The following SDK1 variants were observed in gnomAD, a reference collection of about 807,000 sequenced individuals.
The protein encoded by SDK1 is sidekick cell adhesion molecule 1, also known as protein sidekick-1.
SDK1 carries 157 observed loss-of-function variants against 245.5 expected under a neutral mutation model. That is an observed-to-expected ratio of 0.64 (90% confidence interval 0.56 to 0.73). The LOEUF (loss-of-function observed/expected upper bound fraction) is 0.73, where lower values mean the gene tolerates loss of function less well. SDK1 is among the 30% of genes least tolerant of loss of function. SDK1 has a pLI of 0.00. For missense variants in SDK1, 3,583 were observed against 3,002.3 expected, an observed-to-expected ratio of 1.19 and a Z score of -4.52; for synonymous variants, 1,647 against 1,278.5, an observed-to-expected ratio of 1.29 and a Z score of -6.15.
chr7:3,499,019 T>C (rs7779391), intron 1 of SDK1, among the ~76,000 whole-genome samples: 1 of 152,102 alleles, frequency 6.6e-6, no homozygotes, highest in African/African-American at 2.4e-5. Flanking sequence ...AATTAAAATT[T>C]TGTTTTATAC....
chr7:4,225,353 T>G (rs930289399), intron 40 of SDK1, among the ~76,000 whole-genome samples: 5 of 152,184 alleles, frequency 3.3e-5, no homozygotes, highest in Admixed American at 6.5e-5. Context: ...GTGTCCGTCC[T>G]CCCCAGCCTG....
At chr7:3,357,118 C>A (rs1047691844) in intron 1 of SDK1, among the ~76,000 whole-genome samples, 2 of 148,976 alleles carry the variant, frequency 1.3e-5, no homozygotes, top group African/African-American at 4.9e-5. Flanking sequence ...AATCTAAACT[C>A]ATCAGAAAAA....
intron 1 of SDK1, among the ~76,000 whole-genome samples, chr7:3,306,101 A>C (rs138209766): frequency 1.3e-5 from 2 of 152,196 alleles, no homozygotes; most frequent in African/African-American, 4.8e-5. Flanking sequence ...ATGGGCAGCA[A>C]TCAGATCTGT....
At position 4,011,126 on chromosome 7, in the gene SDK1, C is replaced by T. The variant is rs186400955; in HGVS notation, c.2279+13C>T. 1.2e-5 allele frequency: 20 copies of T among 1,612,302 alleles called. No homozygotes were observed. The highest frequency in any genetic ancestry group is 1.2e-4 in the Admixed American group (7 of 59,896). On this transcript the variant is annotated intron_variant, in intron 15 of 44. Coordinates refer to ENST00000404826, the MANE Select transcript of SDK1 (RefSeq NM_152744.4). ...CCGAGACAAGCAGGTGCGTGAATCC[C>T]GCCCCAGGTGGGGGTGTGGAACAGC...
At chr7:3,315,044 G>T (rs1358200036) in intron 1 of SDK1, among the ~76,000 whole-genome samples, 1 of 152,116 alleles carries the variant, frequency 6.6e-6, no homozygotes, top group Non-Finnish European at 1.5e-5. Context: ...ATCCCTATCT[G>T]TGTTCGTCAA....
chr7:3,698,003 C>T (rs1323997919), intron 4 of SDK1, among the ~76,000 whole-genome samples: 1 of 152,112 alleles, frequency 6.6e-6, no homozygotes, highest in South Asian at 2.1e-4. Flanking sequence ...TGGCACAGTG[C>T]TGGCATCTCT....
At chr7:3,618,866 G>A (rs535764176) in intron 1 of SDK1, among the ~76,000 whole-genome samples, 19 of 152,276 alleles carry the variant, frequency 1.2e-4, no homozygotes, top group Non-Finnish European at 2.2e-4. Flanking sequence ...TTTCAAATGC[G>A]GGTATCATTG....
At chr7:3,496,178 A>G (rs113770686) in intron 1 of SDK1, among the ~76,000 whole-genome samples, 2 of 152,100 alleles carry the variant, frequency 1.3e-5, no homozygotes, top group Admixed American at 6.5e-5. Context: ...CTGCCTCCTC[A>G]TTGAAATGAG....
At position 3,301,806 on chromosome 7, in the gene SDK1, G is replaced by T. The variant is rs1779270612; in HGVS notation, c.220G>T (p.Ala74Ser). ...GAGRCGGRRA[A>S]KLGPGRRGWW... Reference sequence around the variant, plus strand: ...GGGGCGGTGCGGCGGGCGGCGGGCGGCAAAGTTGGGGCCGGGCCGCCGCGG... The same window carrying T: ...GGGGCGGTGCGGCGGGCGGCGGGCGTCAAAGTTGGGGCCGGGCCGCCGCGG... The change falls in exon 1 of 45, where the codon GCA (alanine) becomes TCA (serine). Residue 74 changes from alanine (A) to serine (S), a missense_variant. Physicochemically the swap from Ala to Ser is moderately conservative, Grantham distance 99. Coordinates refer to ENST00000404826, the MANE Select transcript of SDK1 (RefSeq NM_152744.4). The T allele has an allele frequency of 9.4e-7, 1 of 1,060,688 alleles. No individual in the cohort carries two copies. 65.7% of individuals were successfully genotyped at this position (1,060,688 alleles called of 1,614,324 possible).
intron 1 of SDK1, among the ~76,000 whole-genome samples, chr7:3,488,132 T>C (rs1469544794): frequency 6.6e-6 from 1 of 152,248 alleles, no homozygotes; most frequent in African/African-American, 2.4e-5. Flanking sequence ...TTATCTTTAC[T>C]TTGCCATTGC....
intron 4 of SDK1, among the ~76,000 whole-genome samples, chr7:3,812,339 A>T (rs1179121044): frequency 2.6e-5 from 4 of 152,194 alleles, no homozygotes; most frequent in Non-Finnish European, 5.9e-5. Context: ...TAAATACTGG[A>T]GGATCCTTGT....
intron 1 of SDK1, among the ~76,000 whole-genome samples, chr7:3,611,050 GC>G (rs1781573761): frequency 6.6e-6 from 1 of 152,152 alleles, no homozygotes; most frequent in Admixed American, 6.6e-5. Context: ...TTCAATTGTA[GC>G]TGCCTTTCAT....
intron 29 of SDK1, 92 bp downstream of exon 29, chr7:4,146,008 C>A: frequency 8.9e-7 from 1 of 1,129,448 alleles, no homozygotes; most frequent in Non-Finnish European, 1.3e-6. Flanking sequence ...ACCTGGGAGG[C>A]TTCGGCCTTC....
At chr7:3,619,764 A>T (rs919035528) in intron 2 of SDK1, among the ~76,000 whole-genome samples, 1 of 152,198 alleles carries the variant, frequency 6.6e-6, no homozygotes, top group Non-Finnish European at 1.5e-5. Context: ...AAGTCCTGCC[A>T]TGTGCCCAGC....
chr7:3,621,992 T>C (rs1256995219), intron 2 of SDK1, among the ~76,000 whole-genome samples: 1 of 152,152 alleles, frequency 6.6e-6, no homozygotes, highest in Non-Finnish European at 1.5e-5. Flanking sequence ...TAAAGCAGGC[T>C]TTGTGTTGGA....
intron 5 of SDK1, among the ~76,000 whole-genome samples, chr7:3,838,410 T>C (rs1780074912): frequency 6.6e-6 from 1 of 152,224 alleles, no homozygotes; most frequent in Non-Finnish European, 1.5e-5. Context: ...AGAGACGATG[T>C]TTAACTGAGA....
At chr7:3,967,589 G>A (rs949909389) in intron 10 of SDK1, among the ~76,000 whole-genome samples, 155 bp downstream of exon 10, 1 of 152,162 alleles carries the variant, frequency 6.6e-6, no homozygotes, top group African/African-American at 2.4e-5. Flanking sequence ...CAACCTTTTT[G>A]GCACCAGGGA....
intron 5 of SDK1, among the ~76,000 whole-genome samples, chr7:3,924,459 A>T (rs1388596310): frequency 2.6e-5 from 4 of 152,002 alleles, no homozygotes; most frequent in African/African-American, 9.7e-5. Context: ...ACGGGGTGTG[A>T]TCTCCCCCAC....
At chr7:3,392,961 A>ATTTTTTT (rs572782966) in intron 1 of SDK1, among the ~76,000 whole-genome samples, 79 of 87,054 alleles carry the variant, frequency 9.1e-4, no homozygotes, top group South Asian at 3.2e-3. Context: ...CCTGTTTTAA[A>ATTTTTTT]TTTTTTTTTT....
Sources: gnomAD v4.1 joint callset for allele counts (sites outside exome capture counted in the v4.1 genomes callset) on GRCh38, gnomAD v4.1.1 for gene constraint, MANE v1.5 for transcripts, NCBI Gene and HGNC (gene_info 2026-07-23, HGNC 2026-07-21) for gene names.